Variants in SIAE observed in about 807,000 individuals in gnomAD.
SIAE encodes the protein sialic acid acetylesterase, also known as sialate O-acetylesterase.
In SIAE, 39 loss-of-function variants were observed where a neutral mutation model predicts 52.6. The ratio of observed to expected loss-of-function variants is 0.74; its 90% confidence interval spans 0.57 to 0.97. SIAE has a LOEUF of 0.97. SIAE is among the 50% of genes least tolerant of loss of function. The probability of loss-of-function intolerance (pLI) is 0.00; values close to 1 mark genes in which losing one functional copy is unlikely to be tolerated. For missense variants in SIAE, 592 were observed against 662.1 expected (o/e 0.89, Z 1.16); for synonymous variants, 233 against 241.4 (o/e 0.97, Z 0.32).
rs536304216 is a variant in SIAE at position 124,643,072 on chromosome 11, T to G, written c.967-3205A>C. 4.5e-4 allele frequency among the ~76,000 whole-genome samples: 68 copies of G among 152,286 alleles called. No homozygotes were observed. In the South Asian group the frequency reaches 0.014, roughly 31 times the overall value. ...GCCCAGACTTCTCACCCATAGAAACTGAGATAATAAATGTGTGTTGTATTG... is the reference window on the plus strand; with the variant it reads ...GCCCAGACTTCTCACCCATAGAAACGGAGATAATAAATGTGTGTTGTATTG... On this transcript the variant is annotated intron_variant, in intron 7 of 9. Coordinates refer to ENST00000263593, the MANE Select transcript of SIAE (RefSeq NM_170601.5).
chr11:124,655,854 ATATT>A, intron 3 of SIAE, among the ~76,000 whole-genome samples: 1 of 152,194 alleles, frequency 6.6e-6, no homozygotes, highest in Non-Finnish European at 1.5e-5. Context: ...TGCTATGTAA[ATATT>A]TATTATATAT....
In SIAE at chr11:124,660,441, A is replaced by G. The variant is rs754240750; in HGVS notation, c.405+187T>C. On this transcript the variant is annotated intron_variant, in intron 3 of 9. Coordinates refer to ENST00000263593, the MANE Select transcript of SIAE (RefSeq NM_170601.5). ...CCAATCAATAACTACCAATTTAATC[A>G]ATAGCTTATCTCTTAAGATTGTTAA... is the stretch of plus-strand genomic sequence containing the variant. 9 of 694,478 alleles carry G rather than the reference A, an allele frequency of 1.3e-5. No individual in the cohort carries two copies. The South Asian group carries it at 1.3e-4, about 10-fold the overall frequency. The allele number at this position is 694,478 out of a possible 1,614,324, so 43.0% of individuals were successfully genotyped here.
chr11:124,654,515 A>G, intron 4 of SIAE, 140 bp downstream of exon 4: 1 of 1,580,658 alleles, frequency 6.3e-7, no homozygotes, highest in Non-Finnish European at 8.6e-7. Flanking sequence ...ACCATCAGGA[A>G]GGATGAAGAG....
intron 6 of SIAE, 151 bp downstream of exon 6, chr11:124,647,915 C>A: frequency 1.4e-6 from 1 of 706,492 alleles, no homozygotes. Context: ...TGAAGCAGCC[C>A]AGACATAAAA....
intron 7 of SIAE, among the ~76,000 whole-genome samples, chr11:124,642,852 A>G (rs777397453): frequency 4.6e-5 from 7 of 152,160 alleles, no homozygotes; most frequent in Non-Finnish European, 1.0e-4. Flanking sequence ...CCTTTCAAAG[A>G]GGGTCTAGAA....
chr11:124,672,336 A>G (rs1234893199), intron 1 of SIAE, among the ~76,000 whole-genome samples: 2 of 152,212 alleles, frequency 1.3e-5, no homozygotes, highest in Non-Finnish European at 2.9e-5. Flanking sequence ...CGAGGAGCAC[A>G]ATGGCAGGCT....
In SIAE at chr11:124,655,601, A is replaced by C. The variant is rs555450667; in HGVS notation, c.406-808T>G. Among the ~76,000 whole-genome samples, 8 of 152,300 alleles carry C rather than the reference A, an allele frequency of 5.3e-5. No homozygotes were observed. In the South Asian group the frequency reaches 1.7e-3, roughly 32 times the overall value. On this transcript the variant is annotated intron_variant, in intron 3 of 9. Transcript: ENST00000263593. ...TTAAAAGAAACACAGCTCAGACATG[A>C]CTGTTGAACTACTGAAACATAGTTG... is the stretch of plus-strand genomic sequence containing the variant.
upstream of SIAE, chr11:124,676,024 G>A (rs1438422333): frequency 6.6e-6 from 1 of 152,160 alleles, no homozygotes; most frequent in Non-Finnish European, 1.5e-5. Flanking sequence ...CAGAGACCCA[G>A]ATGCCCACTA....
At chr11:124,676,012 C>T (rs1352214584), upstream of SIAE, 1 of 152,234 alleles carries the variant, frequency 6.6e-6, no homozygotes, top group East Asian at 1.9e-4. Context: ...TTCCATCCTG[C>T]ACAGAGACCC....
At position 124,645,232 on chromosome 11, in the gene SIAE, A is replaced by G. The variant is rs188702747; in HGVS notation, c.966+2133T>C. On this transcript the variant is annotated intron_variant, in intron 7 of 9. Coordinates refer to ENST00000263593, the MANE Select transcript of SIAE (RefSeq NM_170601.5). The surrounding 1 kb of genome is among the most constrained non-coding windows in gnomAD (Gnocchi z 4.7). ...TAACCAGCATGTTTTTGTTGGTGAT[A>G]ATAAAGTTAAAACCTGGAGGTTAAG... Among the ~76,000 whole-genome samples the G allele has an allele frequency of 2.2e-4, 33 of 152,298 alleles. No homozygotes were observed. The highest frequency in any genetic ancestry group is 7.5e-4 in the African/African-American group (31 of 41,558).
At chr11:124,640,140 A>T (rs867945011) in intron 7 of SIAE, among the ~76,000 whole-genome samples, 6 of 152,008 alleles carry the variant, frequency 3.9e-5, no homozygotes, top group Admixed American at 1.3e-4. Context: ...ATTTGCTTTG[A>T]CCCATAGAAT....
At chr11:124,648,758 T>G (rs1413635254) in intron 5 of SIAE, among the ~76,000 whole-genome samples, 1 of 152,186 alleles carries the variant, frequency 6.6e-6, no homozygotes, top group East Asian at 1.9e-4. Flanking sequence ...GAAGCCCACT[T>G]GCCCACACCC....
intron 5 of SIAE, among the ~76,000 whole-genome samples, chr11:124,648,493 C>T (rs1013284846): frequency 6.6e-5 from 10 of 151,890 alleles, no homozygotes; most frequent in African/African-American, 2.2e-4. Flanking sequence ...ATAAATTTAC[C>T]TAACTTTTAT....
upstream of SIAE, chr11:124,675,471 T>C (rs1943450772): frequency 6.3e-7 from 1 of 1,585,832 alleles, no homozygotes; most frequent in Non-Finnish European, 8.6e-7. Flanking sequence ...AGCATTTGTT[T>C]ATGGTAAAAC....
rs77575510 is a variant in SIAE at position 124,649,768 on chromosome 11, G to A, written c.573C>T (p.Tyr191=). The A allele has an allele frequency of 2.9e-3, 4,703 of 1,614,154 alleles. 16 individuals carry two copies. The Middle Eastern group carries it at 0.035, about 12-fold the overall frequency. ...SENLGHGYFK[Y]MSAVCWLFGR... is the part of the protein sequence containing the mutation. ...CAAAGAGCCAGCACACTGCTGACATGTACTTGAAATATCCATGGCCTAAGT... is the reference window on the plus strand; with the variant it reads ...CAAAGAGCCAGCACACTGCTGACATATACTTGAAATATCCATGGCCTAAGT... The change falls in exon 5 of 10, where the codon TAC becomes TAT. Residue 191 remains tyrosine, a synonymous_variant. Coordinates refer to ENST00000263593, the MANE Select transcript of SIAE (RefSeq NM_170601.5).
intron 7 of SIAE, 41 bp downstream of exon 7, chr11:124,647,324 A>T (rs756275418): frequency 3.7e-6 from 6 of 1,613,280 alleles, no homozygotes; most frequent in Non-Finnish European, 5.1e-6. Context: ...ACACAGGAAC[A>T]GGTGTTGACA....
chr11:124,636,920 T>G lies in SIAE; in HGVS notation c.*31A>C. The G allele has an allele frequency of 6.2e-7, 1 of 1,614,106 alleles. No individual in the cohort carries two copies. The highest frequency in any genetic ancestry group is 8.5e-7 in the Non-Finnish European group (1 of 1,180,004). ...ATGCTAAAATCTGAAGGACCCATCC[T>G]TATATCTAAGTTCTGATCATACTGA... On this transcript the variant is annotated 3_prime_UTR_variant, in exon 10 of 10. Transcript: ENST00000263593.
At chr11:124,661,777 AT>A (rs748858640) in intron 2 of SIAE, among the ~76,000 whole-genome samples, 2 of 152,268 alleles carry the variant, frequency 1.3e-5, no homozygotes, top group South Asian at 2.1e-4. Context: ...GAACTGATTT[AT>A]AATTCATACC....
chr11:124,673,625 G>A lies in SIAE; in HGVS notation c.67+17C>T, dbSNP rs758565892. The A allele has an allele frequency of 3.1e-6, 5 of 1,611,426 alleles. No homozygotes were observed. The highest frequency in any genetic ancestry group is 2.7e-5 in the African/African-American group (2 of 74,794). On this transcript the variant is annotated intron_variant, in intron 1 of 9. Coordinates refer to ENST00000263593, the MANE Select transcript of SIAE (RefSeq NM_170601.5). ...CAGGCTGAGGGGCAGGGGTCCGGCCGAGCCGGGCCGCCTCACCTGCACTTC... is the reference window on the plus strand; with the variant it reads ...CAGGCTGAGGGGCAGGGGTCCGGCCAAGCCGGGCCGCCTCACCTGCACTTC...
Sources: gnomAD v4.1 joint callset for allele counts (sites outside exome capture counted in the v4.1 genomes callset) on GRCh38, gnomAD v4.1.1 for gene constraint, Gnocchi (gnomAD v3.1) non-coding constraint, MANE v1.5 for transcripts, NCBI Gene and HGNC (gene_info 2026-07-23, HGNC 2026-07-21) for gene names.